The following LYPLA2 variants were observed in gnomAD, a reference collection of about 807,000 sequenced individuals.
LYPLA2 encodes the protein lysophospholipase 2, also known as acyl-protein thioesterase 2.
LYPLA2 carries 7 observed loss-of-function variants against 30.3 expected under a neutral mutation model. The observed-to-expected ratio is 0.23, with a 90% CI of 0.13 to 0.43. The LOEUF is 0.43. Ranked by LOEUF, LYPLA2 falls within the 20% of genes least tolerant of loss-of-function variation. The pLI is 1.00. For synonymous variants in LYPLA2, 112 were observed against 118.2 expected (o/e 0.95, Z 0.34); for missense variants, 206 against 307.9 (o/e 0.67, Z 2.48).
Position 23,793,310 on chromosome 1 carries a change from C to A in LYPLA2, c.176+94C>A. ...GCCTGTTCTCTCCTGTCAGTTGCAT[C>A]CTGGGGCTTGGGCTCAGGGCAGTCA... On this transcript the variant is annotated intron_variant, in intron 4 of 9. Coordinates refer to ENST00000374514, the MANE Select transcript of LYPLA2 (RefSeq NM_007260.3). This position sits in a 1 kb window ranked among gnomAD's most constrained non-coding sequence, Gnocchi z 6.0. 1 of 1,340,954 alleles carries A rather than the reference C, an allele frequency of 7.5e-7. No individual in the cohort carries two copies. Among genetic ancestry groups the A allele is most frequent in the Admixed American group, 1.8e-5 (1 of 56,076 alleles). The allele number at this position is 1,340,954 out of a possible 1,614,324, so 83.1% of individuals were successfully genotyped here. A position where few individuals can be genotyped will look rare whatever the true frequency, so the allele number is the denominator to read the frequency against.
intron 1 of LYPLA2, 54 bp from the exon 2 acceptor site, chr1:23,792,603 A>G (rs1303118326): frequency 3.5e-6 from 4 of 1,130,966 alleles, no homozygotes; most frequent in Non-Finnish European, 5.3e-6. Context: ...CTCTTGGGCC[A>G]GGAGTGTGTC....
rs1638903725 is a variant in LYPLA2 at position 23,795,079 on chromosome 1, C to T, written c.*347C>T. The T allele has an allele frequency of 4.1e-6, 2 of 485,054 alleles. No homozygotes were observed. The highest frequency in any genetic ancestry group is 4.6e-5 in the East Asian group (1 of 21,588). The allele number at this position is 485,054 out of a possible 1,614,324, so 30.0% of individuals were successfully genotyped here. On this transcript the variant is annotated 3_prime_UTR_variant, in exon 10 of 10. Coordinates refer to ENST00000374514, the MANE Select transcript of LYPLA2 (RefSeq NM_007260.3). Reference sequence around the variant, plus strand: ...TCACTAGCCCCGCTTTGGGCCCCCTCCTGTGACCTCAGGGTTTGGCCCATG... The same window carrying T: ...TCACTAGCCCCGCTTTGGGCCCCCTTCTGTGACCTCAGGGTTTGGCCCATG...
At position 23,794,646 on chromosome 1, in the gene LYPLA2, C is replaced by G; in HGVS notation, c.646-36C>G. The G allele has an allele frequency of 6.2e-7, 1 of 1,614,176 alleles. No individual in the cohort carries two copies. Reference sequence around the variant, plus strand: ...CCACTCCCACTTCTCTGCCTCCAGCCAGGTGCCTCTCGTGATCCCCTCTTA... The same window carrying G: ...CCACTCCCACTTCTCTGCCTCCAGCGAGGTGCCTCTCGTGATCCCCTCTTA... On this transcript the variant is annotated intron_variant, in intron 9 of 9. Transcript: ENST00000374514. This position sits in a 1 kb window ranked among gnomAD's most constrained non-coding sequence, Gnocchi z 5.9.
chr1:23,794,909 A>G lies in LYPLA2; in HGVS notation c.*177A>G. Reference sequence around the variant, plus strand: ...TGGCCGGGCCTTCCTTCCTGGCCTTAGCCACCTGGCTCTGTCTGCAGCAGG... The same window carrying G: ...TGGCCGGGCCTTCCTTCCTGGCCTTGGCCACCTGGCTCTGTCTGCAGCAGG... On this transcript the variant is annotated 3_prime_UTR_variant, in exon 10 of 10. Coordinates refer to ENST00000374514, the MANE Select transcript of LYPLA2 (RefSeq NM_007260.3). This position sits in a 1 kb window ranked among gnomAD's most constrained non-coding sequence, Gnocchi z 5.9. 2.6e-6 allele frequency: 2 copies of G among 759,208 alleles called. No homozygotes were observed. The highest frequency in any genetic ancestry group is 2.3e-6 in the Non-Finnish European group (1 of 430,502). 47.0% of individuals were successfully genotyped at this position (759,208 alleles called of 1,614,324 possible).
At chr1:23,792,565 T>A (rs1288479447) in intron 1 of LYPLA2, 92 bp from the exon 2 acceptor site, 1 of 738,166 alleles carries the variant, frequency 1.4e-6, no homozygotes, top group African/African-American at 1.7e-5. Flanking sequence ...AGAACCTGGG[T>A]GCTGTGTGGG....
At position 23,793,626 on chromosome 1, in the gene LYPLA2, G is replaced by GCGGCCCCACT; in HGVS notation, c.177-77_177-68dup. 2 of 1,458,030 alleles carry GCGGCCCCACT rather than the reference G, an allele frequency of 1.4e-6. No individual in the cohort carries two copies. The highest frequency in any genetic ancestry group is 1.9e-6 in the Non-Finnish European group (2 of 1,038,370). 90.3% of individuals were successfully genotyped at this position (1,458,030 alleles called of 1,614,324 possible). ...GCTGGGAGGGGCCACCAGGGGCGGC[G>GCGGCCCCACT]CGGCCCCACTCCGGGCTCTGAGCTC... On this transcript the variant is annotated intron_variant, in intron 4 of 9. Coordinates refer to ENST00000374514, the MANE Select transcript of LYPLA2 (RefSeq NM_007260.3). The surrounding 1 kb of genome is among the most constrained non-coding windows in gnomAD (Gnocchi z 6.0).
intron 1 of LYPLA2, chr1:23,791,953 GTGTT>G (rs766517660): frequency 5.9e-5 from 9 of 152,594 alleles, no homozygotes; most frequent in African/African-American, 9.7e-5. Context: ...ATTCTTTTGT[GTGTT>G]TGGGAGTCCC....
Position 23,795,307 on chromosome 1 carries a change from G to C in LYPLA2, c.*575G>C, listed in dbSNP as rs1461497336. 1.3e-5 allele frequency: 3 copies of C among 231,626 alleles called. No individual in the cohort carries two copies. The highest frequency in any genetic ancestry group is 2.4e-4 in the East Asian group (2 of 8,406). 14.3% of individuals were successfully genotyped at this position (231,626 alleles called of 1,614,324 possible). On this transcript the variant is annotated 3_prime_UTR_variant, in exon 10 of 10. Transcript: ENST00000374514. The stretch of plus-strand genomic sequence containing the variant: ...TTCCCTCAGCTGTTTCCCCACACTG[G>C]GGGGCTGGGCCCTGCCTCCCCGTTA...
chr1:23,793,654 G>T lies in LYPLA2; in HGVS notation c.177-51G>T. The T allele has an allele frequency of 6.3e-7, 1 of 1,590,128 alleles. No individual in the cohort carries two copies. Among genetic ancestry groups the T allele is most frequent in the Non-Finnish European group, 8.6e-7 (1 of 1,158,258 alleles). On this transcript the variant is annotated intron_variant, in intron 4 of 9. Transcript: ENST00000374514. This position sits in a 1 kb window ranked among gnomAD's most constrained non-coding sequence, Gnocchi z 6.0. ...GCCCCACTCCGGGCTCTGAGCTCTG[G>T]CCTCCTCATTCCTCCTGAGCATGAT...
At position 23,793,656 on chromosome 1, in the gene LYPLA2, C is replaced by T. The variant is rs763094552; in HGVS notation, c.177-49C>T. 6.3e-7 allele frequency: 1 copy of T among 1,591,758 alleles called. No individual in the cohort carries two copies. Among genetic ancestry groups the T allele is most frequent in the Non-Finnish European group, 8.6e-7 (1 of 1,159,748 alleles). On this transcript the variant is annotated intron_variant, in intron 4 of 9. Transcript: ENST00000374514. The surrounding 1 kb of genome is among the most constrained non-coding windows in gnomAD (Gnocchi z 6.0). The stretch of plus-strand genomic sequence containing the variant: ...CCCACTCCGGGCTCTGAGCTCTGGC[C>T]TCCTCATTCCTCCTGAGCATGATGG...
In LYPLA2 at chr1:23,794,269, C is replaced by G; in HGVS notation, c.415C>G (p.Leu139Val). The G allele has an allele frequency of 6.2e-7, 1 of 1,612,456 alleles. No individual in the cohort carries two copies. ...LYTALTCPHP[L>V]AGIVALSCWL... ...CACGGCCCTCACCTGCCCCCACCCT[C>G]TGGCTGGCATCGTGGCGTTGAGCTG... Residue 139 changes from leucine (L) to valine (V), a missense_variant, in exon 8 of 10, where the codon CTG becomes GTG. Transcript: ENST00000374514. This position sits in a 1 kb window ranked among gnomAD's most constrained non-coding sequence, Gnocchi z 5.9.
chr1:23,794,733 C>G lies in LYPLA2; in HGVS notation c.*1C>G. On this transcript the variant is annotated 3_prime_UTR_variant, in exon 10 of 10. Coordinates refer to ENST00000374514, the MANE Select transcript of LYPLA2 (RefSeq NM_007260.3). The surrounding 1 kb of genome is among the most constrained non-coding windows in gnomAD (Gnocchi z 5.9). Reference sequence around the variant, plus strand: ...TGAGAAGCTGCTGCCTCCTGTCTAACTAGTCGCTGGCCCCAGTGCAGTACC... The same window carrying G: ...TGAGAAGCTGCTGCCTCCTGTCTAAGTAGTCGCTGGCCCCAGTGCAGTACC... 6.2e-7 allele frequency: 1 copy of G among 1,614,176 alleles called. No homozygotes were observed. Among genetic ancestry groups the G allele is most frequent in the South Asian group, 1.1e-5 (1 of 91,080 alleles).
At position 23,794,370 on chromosome 1, in the gene LYPLA2, C is replaced by G. The variant is rs758170969; in HGVS notation, c.471+45C>G. 1.2e-6 allele frequency: 2 copies of G among 1,601,092 alleles called. No homozygotes were observed. Among genetic ancestry groups the G allele is most frequent in the South Asian group, 2.2e-5 (2 of 90,618 alleles). Reference sequence around the variant, plus strand: ...CCCCCGCCCTTTGTGTCTGCATCCTCGTGGCTTGGGGACTGCTGCAGCACT... The same window carrying G: ...CCCCCGCCCTTTGTGTCTGCATCCTGGTGGCTTGGGGACTGCTGCAGCACT... On this transcript the variant is annotated intron_variant, in intron 8 of 9. Coordinates refer to ENST00000374514, the MANE Select transcript of LYPLA2 (RefSeq NM_007260.3). This position sits in a 1 kb window ranked among gnomAD's most constrained non-coding sequence, Gnocchi z 5.9.
Position 23,794,321 on chromosome 1 carries a change from C to T in LYPLA2, c.467C>T (p.Pro156Leu). ...TGGCTGCCTCTGCACCGGGCCTTCC[C>T]CCAGGTGAATGTCCCCACTGACCCC... ...SCWLPLHRAF[P>L]QAANGSAKDL... The change falls in exon 8 of 10, where the codon CCC (proline) becomes CTC (leucine). Residue 156 changes from proline to leucine, a missense_variant. By Grantham distance (98) the Pro-to-Leu change is moderately conservative. Transcript: ENST00000374514. This position sits in a 1 kb window ranked among gnomAD's most constrained non-coding sequence, Gnocchi z 5.9. The T allele has an allele frequency of 6.2e-7, 1 of 1,612,260 alleles. No homozygotes were observed.
At chr1:23,792,883 G>C (rs563036143) in intron 2 of LYPLA2, 123 bp downstream of exon 2, 1 of 1,321,724 alleles carries the variant, frequency 7.6e-7, no homozygotes, top group African/African-American at 1.4e-5. Context: ...CAGCAGGCTC[G>C]GGGTAGTAAC....
chr1:23,792,887 T>A (rs1570621401), intron 2 of LYPLA2, 121 bp from the exon 3 acceptor site: 3 of 1,328,748 alleles, frequency 2.3e-6, no homozygotes, highest in Non-Finnish European at 3.2e-6. Context: ...AGGCTCGGGG[T>A]AGTAACCTGT....
chr1:23,793,770 G>A lies in LYPLA2; in HGVS notation c.224+18G>A. 6.2e-7 allele frequency: 1 copy of A among 1,613,924 alleles called. No individual in the cohort carries two copies. Among genetic ancestry groups the A allele is most frequent in the Non-Finnish European group, 8.5e-7 (1 of 1,179,832 alleles). Reference sequence around the variant, plus strand: ...CCCTCCTGGTGAGTTTGGGAGTGGGGGTGGGCAGGGGGACGAGGACACTTG... The same window carrying A: ...CCCTCCTGGTGAGTTTGGGAGTGGGAGTGGGCAGGGGGACGAGGACACTTG... On this transcript the variant is annotated intron_variant, in intron 5 of 9. Coordinates refer to ENST00000374514, the MANE Select transcript of LYPLA2 (RefSeq NM_007260.3). The surrounding 1 kb of genome is among the most constrained non-coding windows in gnomAD (Gnocchi z 6.0).
Position 23,794,333 on chromosome 1 carries a change from TC to T in LYPLA2, c.471+12del. 1.2e-6 allele frequency: 2 copies of T among 1,606,100 alleles called. No homozygotes were observed. The highest frequency in any genetic ancestry group is 1.7e-6 in the Non-Finnish European group (2 of 1,173,886). ...CACCGGGCCTTCCCCCAGGTGAATG[TC>T]CCCACTGACCCCCCCGCCCTTTGTG... On this transcript the variant is annotated intron_variant, in intron 8 of 9. Coordinates refer to ENST00000374514, the MANE Select transcript of LYPLA2 (RefSeq NM_007260.3). The surrounding 1 kb of genome is among the most constrained non-coding windows in gnomAD (Gnocchi z 5.9).
In LYPLA2 at chr1:23,795,129, A is replaced by C. The variant is rs2148407928; in HGVS notation, c.*397A>C. 2 of 384,530 alleles carry C rather than the reference A, an allele frequency of 5.2e-6. No individual in the cohort carries two copies. Among genetic ancestry groups the C allele is most frequent in the East Asian group, 6.4e-5 (1 of 15,658 alleles). 23.8% of individuals were successfully genotyped at this position (384,530 alleles called of 1,614,324 possible). ...GGGGCCCCCCCAGGCCCCTGCCCCAACTGATTCTGCCCAGATAATCGTGTC... is the reference window on the plus strand; with the variant it reads ...GGGGCCCCCCCAGGCCCCTGCCCCACCTGATTCTGCCCAGATAATCGTGTC... On this transcript the variant is annotated 3_prime_UTR_variant, in exon 10 of 10. Transcript: ENST00000374514.
Sources: allele counts gnomAD v4.1 joint callset, GRCh38; gene constraint gnomAD v4.1.1; non-coding constraint Gnocchi (gnomAD v3.1); transcripts MANE v1.5; gene names NCBI Gene and HGNC (gene_info 2026-07-23, HGNC 2026-07-21).